The following DCST2 variants were observed in gnomAD, a reference collection of about 807,000 sequenced individuals.
DCST2 encodes the protein DC-STAMP domain-containing protein 2.
DCST2 carries 64 observed loss-of-function variants against 81.8 expected under a neutral mutation model. That is an observed-to-expected ratio of 0.78 (90% CI 0.64 to 0.96). The LOEUF is 0.96. DCST2 is among the 40% of genes least tolerant of loss of function. The pLI, the probability that DCST2 is intolerant of heterozygous loss-of-function variation, is 0.00. For synonymous variants in DCST2, 354 were observed against 402.6 expected, an observed-to-expected ratio of 0.88 and a Z score of 1.44; for missense variants, 945 against 1,001.4, an observed-to-expected ratio of 0.94 and a Z score of 0.76.
At chr1:155,030,828 C>T in intron 5 of DCST2, 183 bp from the exon 6 acceptor site, 1 of 638,414 alleles carries the variant, frequency 1.6e-6, no homozygotes, top group South Asian at 1.9e-5. Context: ...GTGCCATCGC[C>T]ATCACATGCT....
rs779665410 is a variant in DCST2, at chr1:155,033,173, G to A, written c.360C>T (p.Ser120=). The A allele has an allele frequency of 6.2e-6, 10 of 1,612,514 alleles. No homozygotes were observed. The highest frequency in any genetic ancestry group is 4.4e-5 in the South Asian group (4 of 90,810). Residue 120 remains serine, a synonymous_variant, in exon 2 of 15, where the codon AGC becomes AGT. Coordinates refer to ENST00000368424, the MANE Select transcript of DCST2 (RefSeq NM_144622.3). ...ANTLRNFTRA[S]EAVACGAELA... ...GCTCTGCCCCACAGGCTACAGCCTC[G>A]CTGGCCCGGGTGAAGTTGCGTAGAG...
At chr1:155,026,890 C>T in intron 8 of DCST2, 175 bp from the exon 9 acceptor site, 1 of 716,856 alleles carries the variant, frequency 1.4e-6, no homozygotes, top group Non-Finnish European at 2.3e-6. Flanking sequence ...GACCTCAGTT[C>T]TGGCTCCTAG....
In DCST2 at chr1:155,026,351, C is replaced by G. The variant is rs764632737; in HGVS notation, c.1562G>C (p.Ser521Thr). The part of the protein sequence containing the change: ...FFITLFGSYV[S>T]RLRRVICASY... ...GGCACAGATGACTCGCCGCAGCCGG[C>G]TGACATAGCTGCCAAACAGGGTGAT... Residue 521 changes from serine (S) to threonine (T), a missense_variant, in exon 10 of 15, where the codon AGC becomes ACC. Physicochemically the swap from Ser to Thr is moderately conservative, Grantham distance 58 (BLOSUM62 1). Coordinates refer to ENST00000368424, the MANE Select transcript of DCST2 (RefSeq NM_144622.3). 1 of 1,613,884 alleles carries G rather than the reference C, an allele frequency of 6.2e-7. No homozygotes were observed. Among genetic ancestry groups the G allele is most frequent in the South Asian group, 1.1e-5 (1 of 91,092 alleles).
At chr1:155,031,069 C>G (rs1405858190) in intron 5 of DCST2, 100 bp downstream of exon 5, 2 of 1,281,456 alleles carry the variant, frequency 1.6e-6, no homozygotes, top group Non-Finnish European at 2.2e-6. Flanking sequence ...TTACATTCTC[C>G]TTTATGGGCT....
chr1:155,029,113 G>A (rs1303880867), intron 8 of DCST2, 120 bp downstream of exon 8: 2 of 1,209,342 alleles, frequency 1.7e-6, no homozygotes, highest in Admixed American at 4.4e-5. Flanking sequence ...GGGACATTCA[G>A]GCAGTCACCA....
chr1:155,030,292 G>T, intron 6 of DCST2, 51 bp from the exon 7 acceptor site: 2 of 1,611,198 alleles, frequency 1.2e-6, no homozygotes, highest in South Asian at 2.2e-5. Context: ...CCCCAGGCCA[G>T]ACCCCACAGG....
chr1:155,023,658 G>A, intron 12 of DCST2, 174 bp downstream of exon 12: 1 of 1,552,824 alleles, frequency 6.4e-7, no homozygotes, highest in East Asian at 2.4e-5. Flanking sequence ...GGCAAGCATG[G>A]AGAAAATGAG....
At chr1:155,025,340 G>GTTTTT (rs953510875) in intron 10 of DCST2, among the ~76,000 whole-genome samples, 1 of 151,682 alleles carries the variant, frequency 6.6e-6, no homozygotes, top group Admixed American at 6.6e-5. Flanking sequence ...GTTTTGTTTT[G>GTTTTT]TTTTTTTGAG....
At chr1:155,018,831 C>A (rs1659657291) in intron 14 of DCST2, 71 bp from the exon 15 acceptor site, 1 of 1,460,608 alleles carries the variant, frequency 6.8e-7, no homozygotes, top group South Asian at 1.2e-5. Flanking sequence ...CTGCCCCCTG[C>A]CCTGCCCCAT....
chr1:155,031,533 CACAT>C, intron 4 of DCST2, 37 bp downstream of exon 4: 1 of 1,557,524 alleles, frequency 6.4e-7, no homozygotes, highest in South Asian at 1.1e-5. Flanking sequence ...CACCCCACCC[CACAT>C]CGGCTCCTCC....
At chr1:155,023,278 A>C in intron 13 of DCST2, 21 bp from the exon 14 acceptor site, 1 of 1,613,956 alleles carries the variant, frequency 6.2e-7, no homozygotes, top group Non-Finnish European at 8.5e-7. Flanking sequence ...CTCTCATCTC[A>C]GTGGCCTGCA....
At chr1:155,031,450 A>T (rs1660077652) in intron 4 of DCST2, 124 bp downstream of exon 4, 1 of 1,103,470 alleles carries the variant, frequency 9.1e-7, no homozygotes, top group South Asian at 1.5e-5. Flanking sequence ...TACCAAGCTT[A>T]TTGGTTCCTC....
rs1229700402 is a variant in DCST2 at position 155,032,661 on chromosome 1, G to A, written c.541+6C>T. 10 of 1,613,162 alleles carry A rather than the reference G, an allele frequency of 6.2e-6. No individual in the cohort carries two copies. The highest frequency in any genetic ancestry group is 3.4e-6 in the Non-Finnish European group (4 of 1,179,336). Reference sequence around the variant, plus strand: ...GTCCCCGGGATAGACATGCTAATGTGCTTACCTATGTGTTTCACACCATCC... The same window carrying A: ...GTCCCCGGGATAGACATGCTAATGTACTTACCTATGTGTTTCACACCATCC... On this transcript the variant is annotated splice_donor_region_variant and intron_variant, in intron 3 of 14. Transcript: ENST00000368424.
chr1:155,020,922 A>T (rs1659734751), intron 14 of DCST2, among the ~76,000 whole-genome samples: 1 of 151,794 alleles, frequency 6.6e-6, no homozygotes, highest in African/African-American at 2.4e-5. Flanking sequence ...TCCCTGGCTC[A>T]AGTGATCCCT....
At chr1:155,023,786 G>A in intron 12 of DCST2, 46 bp downstream of exon 12, 5 of 1,609,324 alleles carry the variant, frequency 3.1e-6, no homozygotes, top group Non-Finnish European at 4.2e-6. Flanking sequence ...ATATGCAAGT[G>A]GGGTAAGTCC....
chr1:155,030,962 A>T (rs1660056326), intron 5 of DCST2: 1 of 629,882 alleles, frequency 1.6e-6, no homozygotes, highest in Non-Finnish European at 2.8e-6. Flanking sequence ...CTCTCAGGGC[A>T]GGCTGTGGTG....
At position 155,018,550 on chromosome 1, in the gene DCST2, G is replaced by T. The variant is rs1449656702; in HGVS notation, c.2316C>A (p.Pro772=). 2 of 1,611,522 alleles carry T rather than the reference G, an allele frequency of 1.2e-6. No homozygotes were observed. The highest frequency in any genetic ancestry group is 1.7e-5 in the Admixed American group (1 of 59,898). ...PSLPDPSHPP[P]K Reference sequence around the variant, plus strand: ...ACTTGTGTCCACTTTTGGTTTATTTGGGGGGTGGGTGGGAAGGATCAGGAA... The same window carrying T: ...ACTTGTGTCCACTTTTGGTTTATTTTGGGGGTGGGTGGGAAGGATCAGGAA... Residue 772 remains proline, a synonymous_variant, in exon 15 of 15, where the codon CCC becomes CCA. Coordinates refer to ENST00000368424, the MANE Select transcript of DCST2 (RefSeq NM_144622.3).
chr1:155,028,420 G>A (rs1239132931), intron 8 of DCST2, among the ~76,000 whole-genome samples: 2 of 152,214 alleles, frequency 1.3e-5, no homozygotes, highest in East Asian at 1.9e-4. Context: ...GTTAAACCCC[G>A]TCTCAACTAA....
chr1:155,030,311 G>A (rs919610753), intron 6 of DCST2, 70 bp from the exon 7 acceptor site: 20 of 1,602,588 alleles, frequency 1.2e-5, no homozygotes, highest in Admixed American at 6.7e-5. Context: ...GGGCATCCGC[G>A]CTTCAACCCC....
Sources: gnomAD v4.1 joint callset for allele counts (sites outside exome capture counted in the v4.1 genomes callset) on GRCh38, gnomAD v4.1.1 for gene constraint, MANE v1.5 for transcripts, NCBI Gene and HGNC (gene_info 2026-07-23, HGNC 2026-07-21) for gene names.